The following SERPINI1 variants were observed in gnomAD, a reference collection of about 807,000 sequenced individuals.
SERPINI1 encodes neuroserpin.
SERPINI1 carries 19 observed loss-of-function variants against 41.1 expected under a neutral mutation model. That is an observed-to-expected ratio of 0.46 (90% CI 0.32 to 0.68). The LOEUF is 0.68. Among genes scored for constraint, SERPINI1 ranks in the 30% least tolerant of loss-of-function variants. The pLI, the probability that SERPINI1 is intolerant of heterozygous loss-of-function variation, is 0.03. For synonymous variants in SERPINI1, 138 were observed against 156.6 expected (o/e 0.88, Z 0.89); for missense variants, 460 against 479.2 (o/e 0.96, Z 0.37).
intron 1 of SERPINI1, among the ~76,000 whole-genome samples, chr3:167,759,696 T>C (rs1189810463): frequency 1.3e-5 from 2 of 152,002 alleles, no homozygotes; most frequent in African/African-American, 2.4e-5. Flanking sequence ...TTGGGTGATA[T>C]TTTCACTAGA....
intron 6 of SERPINI1, among the ~76,000 whole-genome samples, chr3:167,815,756 T>C (rs1712060771): frequency 6.6e-6 from 1 of 152,202 alleles, no homozygotes; most frequent in African/African-American, 2.4e-5. Flanking sequence ...AGGCTGATTG[T>C]CTTAAGGTCT....
chr3:167,755,257 C>T (rs1200382995), intron 1 of SERPINI1, among the ~76,000 whole-genome samples: 2 of 152,148 alleles, frequency 1.3e-5, no homozygotes, highest in Non-Finnish European at 2.9e-5. Flanking sequence ...TTAAGAAACT[C>T]TGAAAGAAAG....
At chr3:167,746,336 G>C (rs1459115574) in intron 1 of SERPINI1, among the ~76,000 whole-genome samples, 1 of 152,036 alleles carries the variant, frequency 6.6e-6, no homozygotes, top group Non-Finnish European at 1.5e-5. Flanking sequence ...ACTTAAAACA[G>C]GAGTAAATTA....
chr3:167,795,141 T>C (rs1012002392), intron 5 of SERPINI1, among the ~76,000 whole-genome samples: 3 of 152,150 alleles, frequency 2.0e-5, no homozygotes, highest in Non-Finnish European at 4.4e-5. Flanking sequence ...TTTTAGAAAA[T>C]TTATCTATCT....
chr3:167,759,623 AACT>A (rs1288574672), intron 1 of SERPINI1, among the ~76,000 whole-genome samples: 1 of 152,074 alleles, frequency 6.6e-6, no homozygotes, highest in African/African-American at 2.4e-5. Flanking sequence ...GGGACTCCAA[AACT>A]GGGGAAGGTG....
chr3:167,792,456 T>C (rs1159314882), intron 3 of SERPINI1, 134 bp from the exon 4 acceptor site: 1 of 667,136 alleles, frequency 1.5e-6, no homozygotes, highest in African/African-American at 1.8e-5. Flanking sequence ...AGTAAGATAC[T>C]TTTTATTTTC....
intron 6 of SERPINI1, among the ~76,000 whole-genome samples, chr3:167,812,775 A>G (rs1407741820): frequency 6.6e-6 from 1 of 152,134 alleles, no homozygotes; most frequent in Non-Finnish European, 1.5e-5. Flanking sequence ...TTGTTGGTAA[A>G]TTCCATTAAC....
intron 1 of SERPINI1, among the ~76,000 whole-genome samples, chr3:167,740,441 C>G (rs1054299043): frequency 6.6e-6 from 1 of 152,150 alleles, no homozygotes; most frequent in East Asian, 1.9e-4. Flanking sequence ...GTTTCATTGA[C>G]GTTTGTATTC....
At chr3:167,789,819 G>A (rs1024282038) in intron 2 of SERPINI1, among the ~76,000 whole-genome samples, 2 of 152,052 alleles carry the variant, frequency 1.3e-5, no homozygotes, top group African/African-American at 4.8e-5. Context: ...TTTTTTTGAA[G>A]TGTTATCTTA....
chr3:167,745,765 A>G (rs368466113), intron 1 of SERPINI1, among the ~76,000 whole-genome samples: 3 of 152,104 alleles, frequency 2.0e-5, no homozygotes, highest in Non-Finnish European at 2.9e-5. Flanking sequence ...TTATACACTA[A>G]CAGTGAATAT....
At chr3:167,795,960 C>T (rs534713320) in intron 5 of SERPINI1, among the ~76,000 whole-genome samples, 3 of 151,942 alleles carry the variant, frequency 2.0e-5, no homozygotes, top group South Asian at 4.2e-4. Flanking sequence ...TATGTATGTA[C>T]GTGAAAGTAC....
chr3:167,824,409 G>A, intron 7 of SERPINI1, 64 bp from the exon 8 acceptor site: 1 of 1,254,708 alleles, frequency 8.0e-7, no homozygotes, highest in Non-Finnish European at 1.2e-6. Flanking sequence ...AGATGGTTTT[G>A]AGGAATTACT....
intron 1 of SERPINI1, among the ~76,000 whole-genome samples, chr3:167,768,388 A>G (rs531666164): frequency 2.0e-4 from 30 of 152,332 alleles, no homozygotes; most frequent in Middle Eastern, 3.4e-3. Context: ...TTTTATATAC[A>G]GTGGAAAACC....
chr3:167,798,950 T>G (rs1338073929), intron 5 of SERPINI1, among the ~76,000 whole-genome samples: 2 of 152,190 alleles, frequency 1.3e-5, no homozygotes, highest in Non-Finnish European at 2.9e-5. Flanking sequence ...AATATACCCA[T>G]GTAACAAACC....
At chr3:167,821,646 G>A (rs996044139) in intron 6 of SERPINI1, among the ~76,000 whole-genome samples, 1 of 152,174 alleles carries the variant, frequency 6.6e-6, no homozygotes, top group African/African-American at 2.4e-5. Context: ...CTGCCAGGCC[G>A]AGTGGGCACA....
chr3:167,758,445 A>G (rs1188703599), intron 1 of SERPINI1, among the ~76,000 whole-genome samples: 6 of 152,238 alleles, frequency 3.9e-5, no homozygotes, highest in Non-Finnish European at 8.8e-5. Flanking sequence ...AGGGACAGCT[A>G]TTTCTTATAG....
At chr3:167,782,672 A>G (rs2108552484) in intron 1 of SERPINI1, among the ~76,000 whole-genome samples, 1 of 152,342 alleles carries the variant, frequency 6.6e-6, no homozygotes, top group Middle Eastern at 3.4e-3. Context: ...AAGCAGTGAT[A>G]TGTGCTATTG....
In SERPINI1 at chr3:167,824,492, G is replaced by C. The variant is rs1235810215; in HGVS notation, c.1086G>C (p.Arg362Ser). ...AAVSGMIAIS[R>S]MAVLYPQVIV... ...CTGTAGGAATGATTGCAATTAGTAG[G>C]ATGGCTGTGCTGTATCCTCAAGTTA... Residue 362 changes from arginine (R) to serine (S), a missense_variant, in exon 8 of 9, where the codon AGG becomes AGC. Transcript: ENST00000446050. The C allele has an allele frequency of 1.2e-6, 2 of 1,613,226 alleles. No homozygotes were observed. Among genetic ancestry groups the C allele is most frequent in the Non-Finnish European group, 1.7e-6 (2 of 1,179,552 alleles).
intron 1 of SERPINI1, among the ~76,000 whole-genome samples, chr3:167,767,715 T>G (rs926272789): frequency 3.9e-5 from 6 of 152,114 alleles, no homozygotes; most frequent in African/African-American, 1.4e-4. Flanking sequence ...TTGGAAGAAA[T>G]TGATTCCAAC....
Sources: allele counts gnomAD v4.1 joint callset (sites outside exome capture counted in the v4.1 genomes callset), GRCh38; gene constraint gnomAD v4.1.1; transcripts MANE v1.5; gene names NCBI Gene and HGNC (gene_info 2026-07-23, HGNC 2026-07-21).